The following FAM221A variants were observed in gnomAD, a reference collection of about 807,000 sequenced individuals.
The protein encoded by FAM221A is family with sequence similarity 221 member A.
Under a neutral mutation model 37.6 loss-of-function variants are expected in FAM221A, and 43 were observed. The observed-to-expected ratio is 1.15, with a 90% CI of 0.90 to 1.48. The LOEUF is 1.48. FAM221A is among the 40% of genes most tolerant of loss of function. The probability of loss-of-function intolerance (pLI) is 0.00; values close to 1 mark genes in which losing one functional copy is unlikely to be tolerated. For synonymous variants in FAM221A, 135 were observed against 132.9 expected, an observed-to-expected ratio of 1.02 and a Z score of -0.11; for missense variants, 361 against 361.5, an observed-to-expected ratio of 1.00 and a Z score of 0.01.
At position 23,691,373 on chromosome 7, in the gene FAM221A, T is replaced by A; in HGVS notation, c.431-17T>A. 1 of 1,613,400 alleles carries A rather than the reference T, an allele frequency of 6.2e-7. No homozygotes were observed. The highest frequency in any genetic ancestry group is 8.5e-7 in the Non-Finnish European group (1 of 1,179,370). The stretch of plus-strand genomic sequence containing the variant: ...TAGTACCTTTAAGAATTTAACTCCC[T>A]TTACATCTTGATTCAGGTTCCAAGT... On this transcript the variant is annotated splice_polypyrimidine_tract_variant and intron_variant, in intron 3 of 6. Transcript: ENST00000344962.
intron 1 of FAM221A, among the ~76,000 whole-genome samples, chr7:23,684,209 T>C (rs1454325296): frequency 2.0e-5 from 3 of 152,156 alleles, no homozygotes; most frequent in African/African-American, 4.8e-5. Context: ...CTTCGTTATG[T>C]TGTCATGCTT....
rs374696782 is a variant in FAM221A, at chr7:23,700,257, C to T, written c.746-529C>T. On this transcript the variant is annotated intron_variant, in intron 5 of 6. Coordinates refer to ENST00000344962, the MANE Select transcript of FAM221A (RefSeq NM_199136.5). Reference sequence around the variant, plus strand: ...TTCTATGCAATTAGGCTCTTGGCTACCTGCCAAGAAAACCAGATGTTTTCC... The same window carrying T: ...TTCTATGCAATTAGGCTCTTGGCTATCTGCCAAGAAAACCAGATGTTTTCC... 1.8e-4 allele frequency among the ~76,000 whole-genome samples: 28 copies of T among 152,314 alleles called. No homozygotes were observed. In the East Asian group the frequency reaches 3.9e-3, roughly 21 times the overall value.
intron 2 of FAM221A, among the ~76,000 whole-genome samples, chr7:23,685,256 G>A (rs867291128): frequency 1.1e-4 from 16 of 148,740 alleles, no homozygotes; most frequent in South Asian, 2.1e-4. Context: ...TCAAAACAAA[G>A]CAAAACAAAA....
chr7:23,684,678 A>T lies in FAM221A; in HGVS notation c.239+6A>T. ...CTGTGTTTTTGTACACATAGGTAAGATACTTTATTGCAAAGTTTTTTGATA... is the reference window on the plus strand; with the variant it reads ...CTGTGTTTTTGTACACATAGGTAAGTTACTTTATTGCAAAGTTTTTTGATA... On this transcript the variant is annotated splice_donor_region_variant and intron_variant, in intron 2 of 6. Transcript: ENST00000344962. 6.3e-7 allele frequency: 1 copy of T among 1,578,810 alleles called. No homozygotes were observed.
At chr7:23,695,997 A>T (rs1401483940) in intron 4 of FAM221A, among the ~76,000 whole-genome samples, 1 of 152,164 alleles carries the variant, frequency 6.6e-6, no homozygotes, top group Admixed American at 6.5e-5. Flanking sequence ...AGGTATAGTC[A>T]TGTGCCACTA....
At chr7:23,699,535 CTTTTTTTTTTTTTTTT>C (rs57930152) in intron 5 of FAM221A, among the ~76,000 whole-genome samples, 1 of 64,162 alleles carries the variant, frequency 1.6e-5, no homozygotes, top group Non-Finnish European at 2.7e-5. Context: ...TCACCTTTTC[CTTTTTTTTTTTTTTTT>C]TTTTTTTTTG....
At chr7:23,700,335 A>G (rs1313917124) in intron 5 of FAM221A, among the ~76,000 whole-genome samples, 1 of 152,214 alleles carries the variant, frequency 6.6e-6, no homozygotes, top group Non-Finnish European at 1.5e-5. Flanking sequence ...TGCTTGATCC[A>G]TTTGACAAAG....
chr7:23,695,508 G>A (rs1785000769), intron 4 of FAM221A, among the ~76,000 whole-genome samples: 1 of 152,156 alleles, frequency 6.6e-6, no homozygotes, highest in African/African-American at 2.4e-5. Flanking sequence ...GAGTAGCTGG[G>A]ATTACAGGCG....
chr7:23,692,105 ACATATATCTTCTTGCAT>A, intron 4 of FAM221A: 1 of 644,596 alleles, frequency 1.6e-6, no homozygotes, highest in Non-Finnish European at 1.9e-6. Context: ...ATGTGCACAC[ACATATATCTTCTTGCAT>A]ACATATATGT....
intron 4 of FAM221A, among the ~76,000 whole-genome samples, chr7:23,695,871 T>C (rs1785027086): frequency 6.6e-6 from 1 of 152,222 alleles, no homozygotes; most frequent in Admixed American, 6.5e-5. Context: ...TTTGTGACTC[T>C]TCTTATTCTT....
At chr7:23,687,480 T>G (rs1337897439) in intron 2 of FAM221A, 3 of 152,190 alleles carry the variant, frequency 2.0e-5, no homozygotes, top group Non-Finnish European at 4.4e-5. Context: ...GTAGCTGATG[T>G]AAGTACTATT....
chr7:23,680,385 C>T (rs1403196285), intron 1 of FAM221A, 102 bp downstream of exon 1: 6 of 881,120 alleles, frequency 6.8e-6, no homozygotes, highest in South Asian at 1.7e-5. Flanking sequence ...GCGGGGGTTC[C>T]CGGAATCTGT....
intron 2 of FAM221A, among the ~76,000 whole-genome samples, chr7:23,686,039 G>A (rs1784345611): frequency 6.6e-6 from 1 of 152,140 alleles, no homozygotes; most frequent in African/African-American, 2.4e-5. Context: ...TTGCTAGGAT[G>A]AGTAATGTTG....
At chr7:23,691,330 T>A in intron 3 of FAM221A, 60 bp from the exon 4 acceptor site, 1 of 1,544,698 alleles carries the variant, frequency 6.5e-7, no homozygotes, top group Non-Finnish European at 8.9e-7. Flanking sequence ...AGGCTAAGTG[T>A]CTTTAGGGTA....
chr7:23,698,073 T>A (rs780619603), intron 4 of FAM221A, 119 bp from the exon 5 acceptor site: 1 of 639,816 alleles, frequency 1.6e-6, no homozygotes, highest in East Asian at 3.1e-5. Context: ...AATTTTTTTT[T>A]TATAGAAAGA....
chr7:23,701,047 T>C (rs114613565), intron 6 of FAM221A, among the ~76,000 whole-genome samples, 179 bp downstream of exon 6: 6 of 152,298 alleles, frequency 3.9e-5, no homozygotes, highest in African/African-American at 1.2e-4. Flanking sequence ...AATAACATGA[T>C]ATTTAATACA....
chr7:23,684,120 C>G (rs7456714), intron 1 of FAM221A, among the ~76,000 whole-genome samples: 6 of 152,218 alleles, frequency 3.9e-5, no homozygotes, highest in African/African-American at 9.6e-5. Context: ...CCCCAGTAAA[C>G]TTGTTTGTGG....
chr7:23,685,164 G>C (rs1213489057), intron 2 of FAM221A, among the ~76,000 whole-genome samples: 1 of 152,196 alleles, frequency 6.6e-6, no homozygotes, highest in East Asian at 1.9e-4. Context: ...CAGGAGAATC[G>C]CTTGAACCTG....
Position 23,685,261 on chromosome 7 carries a change from A to G in FAM221A, c.239+589A>G, listed in dbSNP as rs28380405. Among the ~76,000 whole-genome samples, 38 of 6,518 alleles carry G rather than the reference A, an allele frequency of 5.8e-3. 1 individual carries two copies. The highest frequency in any genetic ancestry group is 2.3e-3 in the African/African-American group (1 of 434). 4.3% of individuals were successfully genotyped at this position (6,518 alleles called of 152,430 possible). ...AGACTCTGTCTCAAAACAAAGCAAA[A>G]CAAAACAAAACAAAACAAAACAAAA... is the stretch of plus-strand genomic sequence containing the variant. On this transcript the variant is annotated intron_variant, in intron 2 of 6. Coordinates refer to ENST00000344962, the MANE Select transcript of FAM221A (RefSeq NM_199136.5).
Sources: allele counts gnomAD v4.1 joint callset (sites outside exome capture counted in the v4.1 genomes callset), GRCh38; gene constraint gnomAD v4.1.1; transcripts MANE v1.5; gene names NCBI Gene and HGNC (gene_info 2026-07-23, HGNC 2026-07-21).